The following TUSC3 variants were observed in gnomAD, a reference collection of about 807,000 sequenced individuals.
The protein encoded by TUSC3 is dolichyl-diphosphooligosaccharide--protein glycosyltransferase subunit TUSC3.
Under a neutral mutation model 44.8 loss-of-function variants are expected in TUSC3, and 45 were observed. The ratio of observed to expected loss-of-function variants is 1.00; its 90% CI spans 0.79 to 1.29. TUSC3 has a LOEUF of 1.29. TUSC3 is among the 50% of genes most tolerant of loss of function. TUSC3 has a pLI of 0.00. For missense variants in TUSC3, 519 were observed against 437.9 expected, an observed-to-expected ratio of 1.19 and a Z score of -1.65; for synonymous variants, 212 against 152.9, an observed-to-expected ratio of 1.39 and a Z score of -2.85.
intron 6 of TUSC3, among the ~76,000 whole-genome samples, chr8:15,680,158 C>T (rs552153129): frequency 2.0e-5 from 3 of 151,776 alleles, no homozygotes; most frequent in Non-Finnish European, 4.4e-5. Flanking sequence ...GTACTGAACC[C>T]GTAGATTGCT....
chr8:15,590,176 G>A (rs955422888), intron 1 of TUSC3, among the ~76,000 whole-genome samples: 2 of 152,146 alleles, frequency 1.3e-5, no homozygotes, highest in African/African-American at 4.8e-5. Flanking sequence ...CCAATGTACA[G>A]CCTGCTAATG....
At chr8:15,446,536 G>T (rs1249628672) in intron 1 of TUSC3, among the ~76,000 whole-genome samples, 1 of 152,054 alleles carries the variant, frequency 6.6e-6, no homozygotes, top group Non-Finnish European at 1.5e-5. Flanking sequence ...GACCAGCCCG[G>T]CCAACACGGC....
At chr8:15,709,547 T>C (rs1809755428) in intron 6 of TUSC3, among the ~76,000 whole-genome samples, 1 of 151,858 alleles carries the variant, frequency 6.6e-6, no homozygotes, top group Non-Finnish European at 1.5e-5. Flanking sequence ...GAAGCTCCCA[T>C]TGAGCCATTT....
the TUSC3 span, among the ~76,000 whole-genome samples, chr8:15,822,900 G>A: frequency 6.6e-6 from 1 of 152,112 alleles, no homozygotes; most frequent in Non-Finnish European, 1.5e-5. Flanking sequence ...AAGCTTGTTT[G>A]CAGTGGATTG....
chr8:15,797,329 G>A, the TUSC3 span, among the ~76,000 whole-genome samples: 16 of 152,176 alleles, frequency 1.1e-4, no homozygotes, highest in African/African-American at 3.6e-4. Flanking sequence ...AAAGAGTCCA[G>A]CAATGTGGCA....
the TUSC3 span, among the ~76,000 whole-genome samples, chr8:15,799,826 T>C: frequency 6.0e-4 from 91 of 152,302 alleles, no homozygotes; most frequent in African/African-American, 2.1e-3. Context: ...TGGATGTCGA[T>C]AGACCTCATA....
intron 1 of TUSC3, among the ~76,000 whole-genome samples, chr8:15,589,444 CG>C (rs1442351910): frequency 1.3e-5 from 2 of 151,848 alleles, no homozygotes; most frequent in Non-Finnish European, 2.9e-5. Context: ...TTGATCAATT[CG>C]AAACATAAAG....
chr8:15,653,558 C>G (rs1442427802), intron 3 of TUSC3, among the ~76,000 whole-genome samples: 1 of 152,058 alleles, frequency 6.6e-6, no homozygotes, highest in African/African-American at 2.4e-5. Context: ...GAAACATTTT[C>G]TCAGGTTAAT....
downstream of TUSC3, among the ~76,000 whole-genome samples, chr8:15,769,190 C>T (rs960165320): frequency 1.3e-5 from 2 of 152,136 alleles, no homozygotes; most frequent in Admixed American, 6.5e-5. Flanking sequence ...TACAAAGCTA[C>T]AGTAACCAAA....
chr8:15,484,406 T>A (rs754048028), intron 2 of TUSC3, among the ~76,000 whole-genome samples: 1 of 152,262 alleles, frequency 6.6e-6, no homozygotes, highest in Non-Finnish European at 1.5e-5. Context: ...TTATGGTTAT[T>A]TTTATAAAGG....
chr8:15,777,189 C>G, the TUSC3 span, among the ~76,000 whole-genome samples: 4 of 152,082 alleles, frequency 2.6e-5, no homozygotes, highest in Non-Finnish European at 5.9e-5. Flanking sequence ...TTAAAATTTC[C>G]AACTTCCAAT....
chr8:15,757,459 A>G (rs1321729635), intron 9 of TUSC3, among the ~76,000 whole-genome samples: 1 of 152,202 alleles, frequency 6.6e-6, no homozygotes, highest in Non-Finnish European at 1.5e-5. Context: ...ATTGATTTGT[A>G]CATCTTAACA....
At position 15,512,931 on chromosome 8, in the gene TUSC3, C is replaced by CATATATATATATATAT. The variant is rs10696221; in HGVS notation, n.189+29461_189+29476dup. Among the ~76,000 whole-genome samples the CATATATATATATATAT allele has an allele frequency of 3.0e-3, 328 of 110,516 alleles. 1 individual carries two copies. The highest frequency in any genetic ancestry group is 9.6e-3 in the African/African-American group (224 of 23,260). 72.5% of individuals were successfully genotyped at this position (110,516 alleles called of 152,430 possible). A position where few individuals can be genotyped will look rare whatever the true frequency, so the allele number is the denominator to read the frequency against. On this transcript the variant is annotated intron_variant and non_coding_transcript_variant, in intron 2 of 5. Transcript: ENST00000503191. ...ATATATATGTATCTATATATATAAT[C>CATATATATATATATAT]ATATATATATATATATATATATATA...
the TUSC3 span, among the ~76,000 whole-genome samples, chr8:15,805,798 T>G: frequency 6.6e-6 from 1 of 152,142 alleles, no homozygotes; most frequent in Admixed American, 6.5e-5. Context: ...CCTGTGAGGT[T>G]TTTGTTTCAG....
the TUSC3 span, among the ~76,000 whole-genome samples, chr8:15,813,651 A>G: frequency 6.6e-6 from 1 of 152,342 alleles, no homozygotes; most frequent in East Asian, 1.9e-4. Context: ...ATATTAATCT[A>G]TAAAATATAA....
intron 9 of TUSC3, among the ~76,000 whole-genome samples, chr8:15,752,565 G>A (rs1293986558): frequency 2.6e-5 from 4 of 151,938 alleles, no homozygotes; most frequent in African/African-American, 9.7e-5. Flanking sequence ...TAGTGTTCTG[G>A]TATTTTAGTA....
chr8:15,684,724 C>T (rs1438514522), intron 6 of TUSC3, among the ~76,000 whole-genome samples: 3 of 152,174 alleles, frequency 2.0e-5, no homozygotes, highest in Non-Finnish European at 4.4e-5. Context: ...CAAGCTAAGG[C>T]CACAGATCTG....
intron 1 of TUSC3, among the ~76,000 whole-genome samples, chr8:15,473,198 C>A (rs181173829): frequency 6.6e-6 from 1 of 152,068 alleles, no homozygotes; most frequent in Non-Finnish European, 1.5e-5. Flanking sequence ...GGTGAGTTGT[C>A]AATATTATAT....
chr8:15,520,515 A>G (rs1347101148), intron 2 of TUSC3, among the ~76,000 whole-genome samples: 6 of 152,204 alleles, frequency 3.9e-5, no homozygotes, highest in African/African-American at 7.2e-5. Context: ...CTATATTTCT[A>G]TGAAATCAAA....
Sources: allele counts gnomAD v4.1 joint callset (sites outside exome capture counted in the v4.1 genomes callset), GRCh38; gene constraint gnomAD v4.1.1; transcripts MANE v1.5; gene names NCBI Gene and HGNC (gene_info 2026-07-23, HGNC 2026-07-21).